MLLT10: variants seen among roughly 807,000 people sequenced by gnomAD.
The protein encoded by MLLT10 is protein AF-10.
A neutral mutation model predicts 129.1 loss-of-function variants in MLLT10; 30 were observed. The observed-to-expected ratio is 0.23, with a 90% CI of 0.17 to 0.32. The LOEUF (loss-of-function observed/expected upper bound fraction) is 0.32, where lower values mean the gene tolerates loss of function less well. Among genes scored for constraint, MLLT10 ranks in the 10% least tolerant of loss-of-function variants. MLLT10 has a pLI of 1.00. For synonymous variants in MLLT10, 490 were observed against 446.4 expected, an observed-to-expected ratio of 1.10 and a Z score of -1.23; for missense variants, 1,119 against 1,268.3, an observed-to-expected ratio of 0.88 and a Z score of 1.79.
In MLLT10 at chr10:21,727,924, C is replaced by T; in HGVS notation, c.2059C>T (p.Pro687Ser). The change falls in exon 16 of 23, where the codon CCA (proline) becomes TCA (serine). Residue 687 changes from proline (P) to serine (S), a missense_variant. Pro to Ser is a moderately conservative substitution (Grantham distance 74, BLOSUM62 -1). Transcript: ENST00000307729. The stretch of plus-strand genomic sequence containing the variant: ...AAGCTCACCCCGAGGAAGTCTCTCG[C>T]CACGGTAAGCGCTATTTACACTGCA... ...RGSSPRGSLS[P>S]RSPVSSLQIR... 6.2e-7 allele frequency: 1 copy of T among 1,613,718 alleles called. No homozygotes were observed. The highest frequency in any genetic ancestry group is 8.5e-7 in the Non-Finnish European group (1 of 1,179,812).
At chr10:21,624,343 C>T (rs191178676) in intron 8 of MLLT10, among the ~76,000 whole-genome samples, 7 of 151,902 alleles carry the variant, frequency 4.6e-5, no homozygotes, top group African/African-American at 1.7e-4. Context: ...AAATGAAGCC[C>T]GAAATGATAA....
chr10:21,609,628 C>G (rs2044394827), intron 5 of MLLT10, among the ~76,000 whole-genome samples: 1 of 152,164 alleles, frequency 6.6e-6, no homozygotes, highest in African/African-American at 2.4e-5. Context: ...CTGTCTTTCT[C>G]TAGTTCACTC....
chr10:21,581,114 C>T (rs1297774477), intron 3 of MLLT10, among the ~76,000 whole-genome samples: 8 of 147,426 alleles, frequency 5.4e-5, no homozygotes, highest in Non-Finnish European at 8.9e-5. Context: ...GGCACGATCT[C>T]GGCTCACTGC....
Position 21,735,182 on chromosome 10 carries a change from C to G in MLLT10, c.2902C>G (p.Leu968Val), listed in dbSNP as rs1486984883. The change falls in exon 21 of 23, where the codon CTT becomes GTT. Residue 968 changes from leucine to valine, a missense_variant. This residue lies in a region of MLLT10 where 1,004 missense variants were observed against 1,008.7 expected (regional missense o/e 1.00). Transcript: ENST00000307729. ...ACTTTCTGACCAGCAACGACAAATA[C>G]TTATTCATCAACAGCAGTTTCAGCA... ...GLLSDQQRQI[L>V]IHQQQFQQLL... 2.4e-5 allele frequency: 39 copies of G among 1,613,864 alleles called. No homozygotes were observed. Among genetic ancestry groups the G allele is most frequent in the Non-Finnish European group, 3.1e-5 (37 of 1,180,012 alleles).
intron 3 of MLLT10, among the ~76,000 whole-genome samples, chr10:21,563,873 C>T (rs531214216): frequency 6.6e-6 from 1 of 151,296 alleles, no homozygotes; most frequent in South Asian, 2.1e-4. Context: ...AGTGTGGTGG[C>T]GCGATCTAGG....
intron 17 of MLLT10, 62 bp from the exon 18 acceptor site, chr10:21,732,837 G>T (rs1024336703): frequency 3.1e-5 from 43 of 1,379,280 alleles, no homozygotes; most frequent in Non-Finnish European, 4.2e-5. Flanking sequence ...CCGGCACTGC[G>T]TAAAATACTT....
At chr10:21,593,321 G>C (rs1195746487) in intron 4 of MLLT10, among the ~76,000 whole-genome samples, 1 of 151,978 alleles carries the variant, frequency 6.6e-6, no homozygotes, top group Non-Finnish European at 1.5e-5. Context: ...TTGAACTCCT[G>C]ATCTCAAGTG....
chr10:21,618,393 C>T (rs2045477289), intron 8 of MLLT10, among the ~76,000 whole-genome samples: 1 of 151,628 alleles, frequency 6.6e-6, no homozygotes, highest in Non-Finnish European at 1.5e-5. Flanking sequence ...ATCCCAGCTA[C>T]TCAGGAGGTT....
At chr10:21,642,307 G>A (rs769246084) in intron 8 of MLLT10, among the ~76,000 whole-genome samples, 1 of 152,024 alleles carries the variant, frequency 6.6e-6, no homozygotes, top group Non-Finnish European at 1.5e-5. Flanking sequence ...AGCTGAAATC[G>A]TGCCATTGCA....
intron 21 of MLLT10, chr10:21,738,489 T>C: frequency 7.8e-7 from 1 of 1,288,702 alleles, no homozygotes; most frequent in Non-Finnish European, 1.0e-6. Context: ...ACTAAAGGAC[T>C]GTACTTTTTC....
At chr10:21,562,029 C>G (rs1439479906) in intron 3 of MLLT10, among the ~76,000 whole-genome samples, 1 of 152,010 alleles carries the variant, frequency 6.6e-6, no homozygotes, top group Non-Finnish European at 1.5e-5. Context: ...TGGTCTCAAA[C>G]TCCCAATCTT....
intron 5 of MLLT10, among the ~76,000 whole-genome samples, chr10:21,598,803 A>G (rs1468639732): frequency 6.6e-6 from 1 of 151,118 alleles, no homozygotes; most frequent in Admixed American, 6.6e-5. Context: ...GAATCACTTG[A>G]GTCCTGGAGG....
intron 6 of MLLT10, among the ~76,000 whole-genome samples, chr10:21,613,494 T>C (rs538721173): frequency 6.6e-6 from 1 of 152,340 alleles, no homozygotes; most frequent in East Asian, 1.9e-4. Flanking sequence ...TTCTCAAAGA[T>C]GAAAGTAGTT....
In MLLT10 at chr10:21,682,205, C is replaced by G; in HGVS notation, c.1667-20C>G. The G allele has an allele frequency of 2.1e-5, 34 of 1,604,492 alleles. No individual in the cohort carries two copies. The highest frequency in any genetic ancestry group is 2.9e-5 in the Non-Finnish European group (34 of 1,175,792). ...TTGAGAATGATCTTAACCTGAAGTC[C>G]TTTTTTCCTTACTTAAAAGCGTTCT... On this transcript the variant is annotated intron_variant, in intron 12 of 22. Transcript: ENST00000307729.
intron 4 of MLLT10, among the ~76,000 whole-genome samples, chr10:21,593,099 A>ATTTTTTT (rs34081128): frequency 6.8e-6 from 1 of 146,016 alleles, no homozygotes. Flanking sequence ...CCACCCATTG[A>ATTTTTTT]TTTTTTTTTT....
In MLLT10 at chr10:21,668,325, G is replaced by A. The variant is rs540512439; in HGVS notation, c.796-2124G>A. Among the ~76,000 whole-genome samples, 3 of 152,066 alleles carry A rather than the reference G, an allele frequency of 2.0e-5. No homozygotes were observed. The East Asian group carries it at 5.8e-4, about 29-fold the overall frequency. ...TTCTGGTCTCCTTTTACCTGTCTTC[G>A]ATTTTGAGTTGATCATTGTATGTTT... On this transcript the variant is annotated intron_variant, in intron 9 of 22. Coordinates refer to ENST00000307729, the MANE Select transcript of MLLT10 (RefSeq NM_001195626.3).
intron 9 of MLLT10, among the ~76,000 whole-genome samples, chr10:21,653,758 G>A (rs935103549): frequency 2.6e-5 from 4 of 152,194 alleles, no homozygotes; most frequent in African/African-American, 9.6e-5. Flanking sequence ...TTAGACATCT[G>A]AGTAGATATG....
At chr10:21,716,240 T>C (rs2056544448) in intron 14 of MLLT10, among the ~76,000 whole-genome samples, 1 of 152,256 alleles carries the variant, frequency 6.6e-6, no homozygotes, top group Non-Finnish European at 1.5e-5. Context: ...ACAAAGTTTA[T>C]TCCTGTTTCA....
Position 21,538,814 on chromosome 10 carries a change from A to G in MLLT10, c.161-19A>G, listed in dbSNP as rs912250452. Reference sequence around the variant, plus strand: ...GTTCTTCGAATCTTAACATTTTAACACATTTCATTTTTCAACAGCTTGCTA... The same window carrying G: ...GTTCTTCGAATCTTAACATTTTAACGCATTTCATTTTTCAACAGCTTGCTA... On this transcript the variant is annotated intron_variant, in intron 2 of 22. Coordinates refer to ENST00000307729, the MANE Select transcript of MLLT10 (RefSeq NM_001195626.3). 3 of 1,580,378 alleles carry G rather than the reference A, an allele frequency of 1.9e-6. No individual in the cohort carries two copies. Among genetic ancestry groups the G allele is most frequent in the Admixed American group, 1.7e-5 (1 of 58,784 alleles).
Sources: gnomAD v4.1 joint callset for allele counts (sites outside exome capture counted in the v4.1 genomes callset) on GRCh38, gnomAD v4.1.1 for gene constraint, gnomAD v4.1.1 regional missense constraint, MANE v1.5 for transcripts, NCBI Gene and HGNC (gene_info 2026-07-23, HGNC 2026-07-21) for gene names.